The following LZTFL1 variants were observed in gnomAD, a reference collection of about 807,000 sequenced individuals.
LZTFL1 encodes leucine zipper transcription factor like 1, also known as leucine zipper transcription factor-like protein 1.
In LZTFL1, 25 loss-of-function variants were observed where a neutral mutation model predicts 45.9. The ratio of observed to expected loss-of-function variants is 0.54; its 90% CI spans 0.40 to 0.76. The LOEUF is 0.76. LZTFL1 is among the 30% of genes least tolerant of loss of function. The pLI, the probability that LZTFL1 is intolerant of heterozygous loss-of-function variation, is 0.00. For missense variants in LZTFL1, 277 were observed against 331.1 expected (o/e 0.84, Z 1.27); for synonymous variants, 93 against 117.4 (o/e 0.79, Z 1.35).
intron 2 of LZTFL1, chr3:45,897,759 CT>C (rs1702404948): frequency 3.3e-6 from 2 of 610,054 alleles, no homozygotes; most frequent in African/African-American, 3.8e-5. Context: ...CCCTTGCCTT[CT>C]TCTTTCTTCC....
At chr3:45,845,366 G>A (rs1453045188), upstream of LZTFL1, among the ~76,000 whole-genome samples, 3 of 152,182 alleles carry the variant, frequency 2.0e-5, no homozygotes, top group South Asian at 2.1e-4. Flanking sequence ...GAGAGGGTGC[G>A]AGATAGTTCA....
rs181862742 is a variant in LZTFL1, at chr3:45,823,976, T to A, written c.*2338A>T. 9.2e-5 allele frequency: 14 copies of A among 152,350 alleles called. No individual in the cohort carries two copies. The highest frequency in any genetic ancestry group is 7.8e-4 in the Admixed American group (12 of 15,310). 9.4% of individuals were successfully genotyped at this position (152,350 alleles called of 1,614,324 possible). On this transcript the variant is annotated 3_prime_UTR_variant, in exon 10 of 10. Coordinates refer to ENST00000296135, the MANE Select transcript of LZTFL1 (RefSeq NM_020347.4). ...AGTATTTTTCTTATGCTGAGTTTTA[T>A]AAGACATAAGCAAATTATCATTTAA...
At chr3:45,854,937 C>T in intron 4 of LZTFL1, 1 of 1,346,006 alleles carries the variant, frequency 7.4e-7, no homozygotes, top group Non-Finnish European at 1.0e-6. Flanking sequence ...ACAGGAACAA[C>T]CACCACCAAA....
intron 2 of LZTFL1, among the ~76,000 whole-genome samples, chr3:45,837,428 A>C (rs1700995138): frequency 6.6e-6 from 1 of 152,286 alleles, no homozygotes; most frequent in East Asian, 1.9e-4. Flanking sequence ...TCTTGCTACA[A>C]ATCAGCTACG....
intron 2 of LZTFL1, among the ~76,000 whole-genome samples, chr3:45,872,864 A>G (rs1039779777): frequency 6.6e-6 from 1 of 152,184 alleles, no homozygotes; most frequent in African/African-American, 2.4e-5. Context: ...GCAGATGAGG[A>G]ACAATGTTTG....
intron 1 of LZTFL1, among the ~76,000 whole-genome samples, chr3:45,913,852 C>G (rs1437632611): frequency 6.6e-6 from 1 of 152,164 alleles, no homozygotes; most frequent in African/African-American, 2.4e-5. Context: ...GTATGGAACT[C>G]TTCTGGATTT....
intron 4 of LZTFL1, among the ~76,000 whole-genome samples, chr3:45,833,412 G>A (rs1254438171): frequency 1.3e-5 from 2 of 152,050 alleles, no homozygotes; most frequent in Admixed American, 1.3e-4. Context: ...AAGGAGGGAC[G>A]GAAGGAGCTC....
At chr3:45,914,113 T>C (rs566449905) in intron 1 of LZTFL1, among the ~76,000 whole-genome samples, 1 of 152,288 alleles carries the variant, frequency 6.6e-6, no homozygotes, top group Admixed American at 6.5e-5. Context: ...CAGGTAGAGT[T>C]AAATTAGGAG....
intron 1 of LZTFL1, chr3:45,913,276 A>G (rs2125775655): frequency 3.5e-6 from 3 of 862,250 alleles, no homozygotes; most frequent in East Asian, 5.5e-5. Flanking sequence ...GTTTTTCATG[A>G]GGACCTGCCA....
chr3:45,827,435 T>TTTGCTGAAATTTCTTTTCTAA lies in LZTFL1; in HGVS notation c.781_801dup (p.Leu261_Gln267dup). 6.2e-7 allele frequency: 1 copy of TTTGCTGAAATTTCTTTTCTAA among 1,613,248 alleles called. No individual in the cohort carries two copies. The highest frequency in any genetic ancestry group is 8.5e-7 in the Non-Finnish European group (1 of 1,179,256). On this transcript the variant is annotated inframe_insertion, in exon 9 of 10. Coordinates refer to ENST00000296135, the MANE Select transcript of LZTFL1 (RefSeq NM_020347.4). ...TCTTTCATGTTTCGATAAGCTGCTG[T>TTTGCTGAAATTTCTTTTCTAA]TTGCTGAAATTTCTTTTCTAATTCC...
At chr3:45,838,138 C>A in intron 1 of LZTFL1, 87 bp from the exon 2 acceptor site, 1 of 1,379,536 alleles carries the variant, frequency 7.2e-7, no homozygotes, top group South Asian at 1.4e-5. Flanking sequence ...ATCCTGTGGT[C>A]GAGACTGCTA....
At chr3:45,889,551 C>T (rs1281578414) in intron 2 of LZTFL1, among the ~76,000 whole-genome samples, 1 of 151,974 alleles carries the variant, frequency 6.6e-6, no homozygotes, top group African/African-American at 2.4e-5. Context: ...ATTTTACACA[C>T]TTGGTAAGAT....
chr3:45,905,263 G>T (rs1426838273), intron 2 of LZTFL1, among the ~76,000 whole-genome samples: 1 of 152,136 alleles, frequency 6.6e-6, no homozygotes, highest in African/African-American at 2.4e-5. Context: ...CATCTCATGT[G>T]CTCCTCCCTT....
chr3:45,836,197 C>T (rs1380140803), intron 2 of LZTFL1, among the ~76,000 whole-genome samples: 1 of 152,092 alleles, frequency 6.6e-6, no homozygotes, highest in East Asian at 1.9e-4. Flanking sequence ...ATGAACTATT[C>T]ACAGGTTAGT....
At chr3:45,826,620 C>T (rs577788345) in intron 9 of LZTFL1, among the ~76,000 whole-genome samples, 3 of 152,134 alleles carry the variant, frequency 2.0e-5, no homozygotes, top group East Asian at 1.9e-4. Flanking sequence ...ACAGTTGATA[C>T]GACTATATGA....
chr3:45,844,220 G>C (rs755771238), upstream of LZTFL1, among the ~76,000 whole-genome samples: 24 of 152,166 alleles, frequency 1.6e-4, no homozygotes, highest in Non-Finnish European at 2.6e-4. Flanking sequence ...CCTCCTCAGG[G>C]ATGCCAACAG....
chr3:45,833,422 C>T (rs918803499), intron 4 of LZTFL1, among the ~76,000 whole-genome samples: 2 of 152,204 alleles, frequency 1.3e-5, no homozygotes, highest in East Asian at 3.9e-4. Flanking sequence ...GGAAGGAGCT[C>T]AAAGCCAGAT....
intron 2 of LZTFL1, among the ~76,000 whole-genome samples, chr3:45,910,630 G>A (rs1702777468): frequency 6.6e-6 from 1 of 152,158 alleles, no homozygotes; most frequent in African/African-American, 2.4e-5. Context: ...GGTGAAACTT[G>A]TGTCAGGTTT....
At chr3:45,877,865 C>G (rs1488813087) in intron 2 of LZTFL1, among the ~76,000 whole-genome samples, 1 of 151,764 alleles carries the variant, frequency 6.6e-6, no homozygotes, top group African/African-American at 2.4e-5. Context: ...CTCACCTCAG[C>G]CTCCTGAGTA....
Sources: gnomAD v4.1 joint callset for allele counts (sites outside exome capture counted in the v4.1 genomes callset) on GRCh38, gnomAD v4.1.1 for gene constraint, MANE v1.5 for transcripts, NCBI Gene and HGNC (gene_info 2026-07-23, HGNC 2026-07-21) for gene names.